Variants in IL1RAPL1 observed in about 807,000 individuals in gnomAD.
The protein encoded by IL1RAPL1 is interleukin-1 receptor accessory protein-like 1.
In IL1RAPL1, 3 loss-of-function variants were observed where a neutral mutation model predicts 48.4. The observed-to-expected ratio is 0.06, with a 90% CI of 0.03 to 0.16. IL1RAPL1 has a LOEUF of 0.16. Among genes scored for constraint, IL1RAPL1 ranks in the 10% least tolerant of loss-of-function variants. The pLI, the probability that IL1RAPL1 is intolerant of heterozygous loss-of-function variation, is 1.00. For missense variants in IL1RAPL1, 349 were observed against 530.6 expected (o/e 0.66, Z 3.36); for synonymous variants, 185 against 187.7 (o/e 0.99, Z 0.12).
chrX:29,906,480 TA>T, intron 6 of IL1RAPL1, among the ~76,000 whole-genome samples: 1 of 18,884 alleles, frequency 5.3e-5, no homozygotes. Context: ...TATATATATA[TA>T]TATATATATA....
intron 2 of IL1RAPL1, among the ~76,000 whole-genome samples, chrX:28,876,680 C>A (rs902806767): frequency 1.8e-5 from 2 of 110,536 alleles, no homozygotes; most frequent in Non-Finnish European, 3.8e-5. Context: ...AACCTGCAAG[C>A]TGCAGTTCAT....
chrX:29,938,428 A>G (rs1933069400), intron 8 of IL1RAPL1, among the ~76,000 whole-genome samples: 1 of 111,584 alleles, frequency 9.0e-6, no homozygotes, highest in Non-Finnish European at 1.9e-5. Context: ...CCAGATATAA[A>G]GAATGTGCTT....
intron 1 of IL1RAPL1, among the ~76,000 whole-genome samples, chrX:28,691,581 C>G (rs1055930445): frequency 8.9e-6 from 1 of 112,032 alleles, no homozygotes; most frequent in Non-Finnish European, 1.9e-5. Flanking sequence ...ACCATTATAT[C>G]CATAGCTCCT....
intron 6 of IL1RAPL1, among the ~76,000 whole-genome samples, chrX:29,848,083 G>T (rs1020087138): frequency 7.2e-5 from 8 of 111,057 alleles, no homozygotes. Context: ...ATGATCAGAA[G>T]TATATTTCCT....
intron 5 of IL1RAPL1, among the ~76,000 whole-genome samples, chrX:29,623,627 A>G (rs1301848244): frequency 8.9e-6 from 1 of 112,256 alleles, no homozygotes; most frequent in Non-Finnish European, 1.9e-5. Flanking sequence ...AGATTCCCAG[A>G]TTATTTCAAA....
rs1232487469 is a variant in IL1RAPL1, at chrX:29,681,839, A to T, written c.778+13335A>T. On this transcript the variant is annotated intron_variant, in intron 6 of 10. Transcript: ENST00000378993. The stretch of plus-strand genomic sequence containing the variant: ...TAACAGGCATTAGAATTTTTAGTAG[A>T]TAATACCAAAAATTGAAGCAGAGTC... Among the ~76,000 whole-genome samples the T allele has an allele frequency of 2.7e-5, 3 of 111,404 alleles. No homozygotes were observed. In the East Asian group the frequency reaches 8.5e-4, roughly 31 times the overall value.
chrX:29,199,738 G>T (rs769210738), intron 2 of IL1RAPL1, among the ~76,000 whole-genome samples: 1 of 112,132 alleles, frequency 8.9e-6, no homozygotes, highest in South Asian at 3.7e-4. Context: ...TTACTAACAG[G>T]CCACGGACTG....
chrX:28,932,055 A>T (rs768991772), intron 2 of IL1RAPL1, among the ~76,000 whole-genome samples: 16 of 109,900 alleles, frequency 1.5e-4, no homozygotes, highest in Admixed American at 9.7e-4. Context: ...AAAAAAATAA[A>T]AAATAAATAA....
chrX:29,384,391 G>A (rs1249332103), intron 3 of IL1RAPL1, among the ~76,000 whole-genome samples: 3 of 111,464 alleles, frequency 2.7e-5, no homozygotes, highest in Non-Finnish European at 5.7e-5. Flanking sequence ...GAGAAACTAC[G>A]TATGGGATAA....
chrX:29,386,428 C>A (rs1054673799), intron 3 of IL1RAPL1, among the ~76,000 whole-genome samples: 3 of 111,432 alleles, frequency 2.7e-5, no homozygotes, highest in Non-Finnish European at 5.7e-5. Flanking sequence ...GTTTGCCTCT[C>A]AATAGGATAT....
chrX:28,815,837 ATG>A (rs1184946891), intron 2 of IL1RAPL1, among the ~76,000 whole-genome samples: 3 of 41,560 alleles, frequency 7.2e-5, no homozygotes, highest in Non-Finnish European at 1.2e-4. Context: ...ATGTGTGTTT[ATG>A]TATATATATA....
intron 2 of IL1RAPL1, among the ~76,000 whole-genome samples, chrX:29,114,761 C>T (rs1428239466): frequency 2.7e-5 from 3 of 110,484 alleles, no homozygotes; most frequent in Admixed American, 1.9e-4. Context: ...GCCCGAGTAG[C>T]TGGGATTACA....
intron 1 of IL1RAPL1, among the ~76,000 whole-genome samples, chrX:28,631,690 T>A (rs1005667228): frequency 3.6e-5 from 4 of 112,649 alleles, no homozygotes; most frequent in Non-Finnish European, 7.5e-5. Context: ...ATCTTTAAGC[T>A]TTTCTCCAAA....
intron 2 of IL1RAPL1, among the ~76,000 whole-genome samples, chrX:29,058,789 C>A (rs1927280704): frequency 8.9e-6 from 1 of 111,981 alleles, no homozygotes; most frequent in Non-Finnish European, 1.9e-5. Flanking sequence ...ATGTCTCCTA[C>A]AGCTGTTCTA....
intron 6 of IL1RAPL1, among the ~76,000 whole-genome samples, chrX:29,842,568 A>G (rs1006482399): frequency 6.2e-5 from 7 of 112,509 alleles, no homozygotes; most frequent in African/African-American, 1.3e-4. Flanking sequence ...AGAGGATTAA[A>G]ATGGCAATTG....
At chrX:29,323,869 T>G (rs1412482471) in intron 3 of IL1RAPL1, among the ~76,000 whole-genome samples, 3 of 95,011 alleles carry the variant, frequency 3.2e-5, no homozygotes, top group Non-Finnish European at 6.2e-5. Flanking sequence ...TTCCTCACTT[T>G]CCTATTCAAT....
chrX:29,894,840 T>A lies in IL1RAPL1; in HGVS notation c.779-22624T>A, dbSNP rs971704761. Among the ~76,000 whole-genome samples the A allele has an allele frequency of 2.7e-5, 3 of 110,716 alleles. No individual in the cohort carries two copies. In the Admixed American group the frequency reaches 2.9e-4, roughly 11 times the overall value. ...TCTACCATTCATCTGTTCTTTTTTT[T>A]ATTTTTGAGACGGAGTCTTGCTCTA... is the stretch of plus-strand genomic sequence containing the variant. On this transcript the variant is annotated intron_variant, in intron 6 of 10. Transcript: ENST00000378993.
rs1377214696 is a variant in IL1RAPL1 at position 29,442,636 on chromosome X, G to A, written c.703+43328G>A. ...TTTGAGAGGCTTAGGCAGGAAGATT[G>A]CTTAAACCCAGGAGTTTGAAACCAG... On this transcript the variant is annotated intron_variant, in intron 5 of 10. Coordinates refer to ENST00000378993, the MANE Select transcript of IL1RAPL1 (RefSeq NM_014271.4). Among the ~76,000 whole-genome samples, 9 of 111,685 alleles carry A rather than the reference G, an allele frequency of 8.1e-5. No homozygotes were observed. In the East Asian group the frequency reaches 2.5e-3, roughly 31 times the overall value.
chrX:29,636,174 A>C (rs2147082328), intron 5 of IL1RAPL1, among the ~76,000 whole-genome samples: 1 of 112,208 alleles, frequency 8.9e-6, no homozygotes, highest in East Asian at 2.8e-4. Context: ...TAAAATCTGT[A>C]AAGTTTTCTA....
Sources: gnomAD v4.1 joint callset for allele counts (sites outside exome capture counted in the v4.1 genomes callset) on GRCh38, gnomAD v4.1.1 for gene constraint, MANE v1.5 for transcripts, NCBI Gene and HGNC (gene_info 2026-07-23, HGNC 2026-07-21) for gene names.